RGPD3: variants seen among roughly 807,000 people sequenced by gnomAD.
RGPD3 encodes the protein RANBP2 like and GRIP domain containing 3.
A neutral mutation model predicts 154.5 loss-of-function variants in RGPD3; 62 were observed. That is an observed-to-expected ratio of 0.40 (90% confidence interval 0.33 to 0.50). The LOEUF (loss-of-function observed/expected upper bound fraction) is 0.50, where lower values mean the gene tolerates loss of function less well. RGPD3 is among the 20% of genes least tolerant of loss of function. The pLI is 0.59. For synonymous variants in RGPD3, 308 were observed against 607.0 expected, an observed-to-expected ratio of 0.51 and a Z score of 7.24; for missense variants, 919 against 1,716.8, an observed-to-expected ratio of 0.54 and a Z score of 8.21.
intron 1 of RGPD3, 140 bp downstream of exon 1, chr2:106,468,077 G>T: frequency 7.1e-6 from 8 of 1,127,192 alleles, no homozygotes; most frequent in Non-Finnish European, 9.4e-6. Flanking sequence ...CCAGGTCGAG[G>T]CCGCCGCCTC....
At position 106,436,575 on chromosome 2, in the gene RGPD3, TC is replaced by T. The variant is rs1558848467; in HGVS notation, c.1472del (p.Gly491GlufsTer2). On this transcript the variant is annotated frameshift_variant, in exon 11 of 23. Transcript: ENST00000409886. LOFTEE classifies it high-confidence loss of function. ...CILDLEVFLL[G>X]VVYTSHLQLK... ...ATTGTAAGTGGCTGGTATATACTACTCCAAGGAGAAATACCTGTTTCATTTA... is the reference window on the plus strand; with the variant it reads ...ATTGTAAGTGGCTGGTATATACTACTCAAGGAGAAATACCTGTTTCATTTA... 1.2e-6 allele frequency: 2 copies of T among 1,611,706 alleles called. No homozygotes were observed. The highest frequency in any genetic ancestry group is 1.7e-6 in the Non-Finnish European group (2 of 1,179,788).
upstream of RGPD3, chr2:106,470,932 C>T (rs1678798249): frequency 6.4e-7 from 1 of 1,567,014 alleles, no homozygotes; most frequent in Non-Finnish European, 8.6e-7. Flanking sequence ...AAAACCTTTC[C>T]CACCTTTAAG....
Position 106,459,293 on chromosome 2 carries a change from CATA to C in RGPD3, c.109_111del (p.Tyr37del). On this transcript the variant is annotated inframe_deletion, in exon 2 of 23. Coordinates refer to ENST00000409886, the MANE Select transcript of RGPD3 (RefSeq NM_001144013.2). ...TTAGCAAGATCATATTCTTTAGCTT[CATA>C]ATACAGCTTTGCAAAATAGAATCCT... 6.7e-7 allele frequency: 1 copy of C among 1,488,818 alleles called. No individual in the cohort carries two copies. Among genetic ancestry groups the C allele is most frequent in the East Asian group, 2.3e-5 (1 of 43,406 alleles). 92.2% of individuals were successfully genotyped at this position (1,488,818 alleles called of 1,614,324 possible).
chr2:106,404,427 GTTTAT>G lies in RGPD3; in HGVS notation c.*787_*791del. On this transcript the variant is annotated 3_prime_UTR_variant, in exon 23 of 23. Transcript: ENST00000409886. ...GTATACTTTAAAGAAAAAAAGAAGAGTTTATTTTAAAGCAAATAACTAAACTGTAT... is the reference window on the plus strand; with the variant it reads ...GTATACTTTAAAGAAAAAAAGAAGAGTTTAAAGCAAATAACTAAACTGTAT... 1.4e-5 allele frequency among the ~76,000 whole-genome samples: 2 copies of G among 145,932 alleles called. No individual in the cohort carries two copies. Among genetic ancestry groups the G allele is most frequent in the African/African-American group, 5.2e-5 (2 of 38,384 alleles).
At chr2:106,464,442 T>C (rs1393765597) in intron 1 of RGPD3, among the ~76,000 whole-genome samples, 1 of 150,606 alleles carries the variant, frequency 6.6e-6, no homozygotes, top group Admixed American at 6.6e-5. Flanking sequence ...GAAGTATAGA[T>C]GTAAAGGGCA....
In RGPD3 at chr2:106,425,076, C is replaced by T; in HGVS notation, c.2891G>A (p.Gly964Asp). 6.2e-7 allele frequency: 1 copy of T among 1,611,882 alleles called. No individual in the cohort carries two copies. Among genetic ancestry groups the T allele is most frequent in the Non-Finnish European group, 8.5e-7 (1 of 1,179,838 alleles). ...GRKKGRGVIF[G>D]QTSSTFTFAD... ...AAATGTAAAAGTGCTACTTGTTTGG[C>T]CAAAAATCACACCACGGCCCTTCTT... The change falls in exon 20 of 23, where the codon GGC becomes GAC. Residue 964 changes from glycine to aspartate, a missense_variant. By Grantham distance (94) the Gly-to-Asp change is moderately conservative. Transcript: ENST00000409886.
intron 20 of RGPD3, among the ~76,000 whole-genome samples, chr2:106,421,432 T>G (rs1009860205): frequency 6.6e-6 from 1 of 151,966 alleles, no homozygotes; most frequent in Non-Finnish European, 1.5e-5. Flanking sequence ...TAGCTGGTAA[T>G]AAAACTGGTA....
chr2:106,411,014 A>G, intron 22 of RGPD3, among the ~76,000 whole-genome samples: 1 of 150,738 alleles, frequency 6.6e-6, no homozygotes. Flanking sequence ...TCTGTAAAAA[A>G]AATTAAGCCT....
chr2:106,414,871 G>A (rs1309346041), intron 21 of RGPD3, among the ~76,000 whole-genome samples: 1 of 151,878 alleles, frequency 6.6e-6, no homozygotes, highest in African/African-American at 2.4e-5. Flanking sequence ...ATTAGGAGCA[G>A]CAAAGTACAG....
intron 22 of RGPD3, among the ~76,000 whole-genome samples, chr2:106,409,747 ATTC>A (rs569933987): frequency 1.4e-3 from 203 of 150,308 alleles, no homozygotes; most frequent in African/African-American, 4.8e-3. Context: ...TCTGTGCTGT[ATTC>A]TTGTCTCTCC....
chr2:106,446,198 G>A (rs1677919287), intron 7 of RGPD3, among the ~76,000 whole-genome samples: 1 of 127,832 alleles, frequency 7.8e-6, no homozygotes, highest in African/African-American at 2.9e-5. Flanking sequence ...ATTTTTCTAA[G>A]CCTGGTTTAA....
intron 20 of RGPD3, among the ~76,000 whole-genome samples, chr2:106,418,811 AC>A (rs1352894348): frequency 6.7e-6 from 1 of 149,198 alleles, no homozygotes; most frequent in Non-Finnish European, 1.5e-5. Flanking sequence ...CATGTGATCC[AC>A]CCGCCTTGGC....
chr2:106,408,876 G>C (rs1049949557), intron 22 of RGPD3, among the ~76,000 whole-genome samples: 1 of 151,230 alleles, frequency 6.6e-6, no homozygotes, highest in Non-Finnish European at 1.5e-5. Flanking sequence ...TGTAGACATA[G>C]GGTCTCGCCA....
chr2:106,425,664 G>GTT (rs1404895718), intron 19 of RGPD3, among the ~76,000 whole-genome samples: 2 of 59,638 alleles, frequency 3.4e-5, no homozygotes, highest in South Asian at 6.5e-4. Context: ...TCAATCAATT[G>GTT]TTATATATAT....
intron 8 of RGPD3, 85 bp downstream of exon 8, chr2:106,441,208 G>A (rs914871271): frequency 4.0e-5 from 63 of 1,578,988 alleles, no homozygotes; most frequent in Non-Finnish European, 5.3e-5. Context: ...TTATCTCCTG[G>A]ACAGACTGAG....
Position 106,424,213 on chromosome 2 carries a change from A to G in RGPD3, c.3754T>C (p.Tyr1252His), listed in dbSNP as rs762760612. The change falls in exon 20 of 23, where the codon TAT (tyrosine) becomes CAT (histidine). Residue 1252 changes from tyrosine (Y) to histidine (H), a missense_variant. Transcript: ENST00000409886. ...NTGPTLEWDN[Y>H]DLREDALDDS... The stretch of plus-strand genomic sequence containing the variant: ...TCCAAAGCATCTTCCCTTAAATCAT[A>G]GTTATCCCATTCTAATGTGGGCCCA... 1.2e-6 allele frequency: 2 copies of G among 1,611,962 alleles called. No homozygotes were observed. The highest frequency in any genetic ancestry group is 1.7e-5 in the Admixed American group (1 of 60,010).
intron 6 of RGPD3, among the ~76,000 whole-genome samples, chr2:106,448,947 T>G (rs1167475599): frequency 6.6e-6 from 1 of 151,096 alleles, no homozygotes; most frequent in Non-Finnish European, 1.5e-5. Flanking sequence ...CGCCTTGGCC[T>G]CCCAAAGTGC....
chr2:106,425,352 T>G, intron 19 of RGPD3, 86 bp from the exon 20 acceptor site: 10 of 1,577,260 alleles, frequency 6.3e-6, no homozygotes, highest in Non-Finnish European at 7.7e-6. Context: ...CTAAACAATT[T>G]ATCAAATGAT....
chr2:106,426,640 A>T (rs1677205343), intron 18 of RGPD3, among the ~76,000 whole-genome samples: 2 of 152,192 alleles, frequency 1.3e-5, no homozygotes, highest in Non-Finnish European at 1.5e-5. Context: ...ACACTCATAC[A>T]GATGTACAAA....
Sources: gnomAD v4.1 joint callset for allele counts (sites outside exome capture counted in the v4.1 genomes callset) on GRCh38, gnomAD v4.1.1 for gene constraint, MANE v1.5 for transcripts, NCBI Gene and HGNC (gene_info 2026-07-23, HGNC 2026-07-21) for gene names.